Variants in DLL4 observed in about 807,000 individuals in gnomAD.
The protein encoded by DLL4 is delta like canonical Notch ligand 4, also known as delta-like protein 4.
In DLL4, 7 loss-of-function variants were observed where a neutral mutation model predicts 73.6. The observed-to-expected ratio is 0.10, with a 90% CI of 0.05 to 0.18. The LOEUF (loss-of-function observed/expected upper bound fraction) is 0.18. DLL4 is among the 10% of genes least tolerant of loss of function. The pLI is 1.00. For synonymous variants in DLL4, 345 were observed against 374.3 expected (o/e 0.92, Z 0.90); for missense variants, 614 against 929.9 (o/e 0.66, Z 4.42).
chr15:40,932,099 G>A lies in DLL4; in HGVS notation c.659-72G>A, dbSNP rs777882052. On this transcript the variant is annotated intron_variant, in intron 4 of 10. Coordinates refer to ENST00000249749, the MANE Select transcript of DLL4 (RefSeq NM_019074.4). ...CCAGGAGAGCTAGGGGATCCCCAGG[G>A]CCAGCAGGTGAGAATGGGGCTTAAG... The A allele has an allele frequency of 8.2e-4, 1,286 of 1,566,154 alleles. 1 individual carries two copies. Among genetic ancestry groups the A allele is most frequent in the Non-Finnish European group, 1.1e-3 (1,203 of 1,140,678 alleles).
Position 40,930,227 on chromosome 15 carries a change from A to ACG in DLL4, c.336+111_336+112insCG. On this transcript the variant is annotated intron_variant, in intron 2 of 10. Transcript: ENST00000249749. The surrounding 1 kb of genome is among the most constrained non-coding windows in gnomAD (Gnocchi z 5.7). ...TGTACACACACCCCCACCCCCAAAA[A>ACG]GCCCAGGATGCATTCTTTCCTGGCT... 2 of 1,305,626 alleles carry ACG rather than the reference A, an allele frequency of 1.5e-6. No homozygotes were observed. The highest frequency in any genetic ancestry group is 2.1e-6 in the Non-Finnish European group (2 of 957,726). The allele number at this position is 1,305,626 out of a possible 1,614,324, so 80.9% of individuals were successfully genotyped here.
At chr15:40,931,449 T>C in intron 3 of DLL4, 54 bp from the exon 4 acceptor site, 1 of 1,561,854 alleles carries the variant, frequency 6.4e-7, no homozygotes, top group Non-Finnish European at 8.7e-7. Flanking sequence ...CAGCCGTCAC[T>C]GGCACCCTTG....
rs1272129430 is a variant in DLL4 at position 40,930,850 on chromosome 15, C to T, written c.394+168C>T. On this transcript the variant is annotated intron_variant, in intron 3 of 10. Coordinates refer to ENST00000249749, the MANE Select transcript of DLL4 (RefSeq NM_019074.4). This position sits in a 1 kb window ranked among gnomAD's most constrained non-coding sequence, Gnocchi z 5.7. ...GCTCGGATTCCGCTCGCTGCCTGGA[C>T]TCAGAGCACAATTGCGTTTCCTGCG... The T allele has an allele frequency of 2.9e-6, 2 of 681,962 alleles. No individual in the cohort carries two copies. Among genetic ancestry groups the T allele is most frequent in the African/African-American group, 3.6e-5 (2 of 55,444 alleles). 42.2% of individuals were successfully genotyped at this position (681,962 alleles called of 1,614,324 possible). A position where few individuals can be genotyped will look rare whatever the true frequency, so the allele number is the denominator to read the frequency against.
chr15:40,930,374 C>T lies in DLL4; in HGVS notation c.337-251C>T. 1.6e-6 allele frequency: 1 copy of T among 632,018 alleles called. No homozygotes were observed. Among genetic ancestry groups the T allele is most frequent in the East Asian group, 2.7e-5 (1 of 36,488 alleles). 39.2% of individuals were successfully genotyped at this position (632,018 alleles called of 1,614,324 possible). A position where few individuals can be genotyped will look rare whatever the true frequency, so the allele number is the denominator to read the frequency against. ...ATTTTCATTACCTACCACTCTGGGGCGGTACCCTACCACCCCCTCCTCCAG... is the reference window on the plus strand; with the variant it reads ...ATTTTCATTACCTACCACTCTGGGGTGGTACCCTACCACCCCCTCCTCCAG... On this transcript the variant is annotated intron_variant, in intron 2 of 10. Coordinates refer to ENST00000249749, the MANE Select transcript of DLL4 (RefSeq NM_019074.4). This position sits in a 1 kb window ranked among gnomAD's most constrained non-coding sequence, Gnocchi z 5.7.
rs779386236 is a variant in DLL4 at position 40,936,444 on chromosome 15, C to T, written c.1457C>T (p.Ser486Leu). 2.0e-5 allele frequency: 33 copies of T among 1,610,986 alleles called. No homozygotes were observed. The highest frequency in any genetic ancestry group is 4.0e-5 in the African/African-American group (3 of 74,898). The change falls in exon 9 of 11, where the codon TCG (serine) becomes TTG (leucine). Residue 486 changes from serine (S) to leucine (L), a missense_variant. Physicochemically the swap from Ser to Leu is moderately radical, Grantham distance 145. Around this residue, in one of 3 missense-constraint regions of DLL4, gnomAD observed 386 missense variants for 541.3 expected, o/e 0.71. Transcript: ENST00000249749. Reference sequence around the variant, plus strand: ...CGGACATCCATCGATGCCTGTGCCTCGAGTCCCTGCTTCAACAGGGCCACC... The same window carrying T: ...CGGACATCCATCGATGCCTGTGCCTTGAGTCCCTGCTTCAACAGGGCCACC... ...EVRTSIDACA[S>L]SPCFNRATCY...
intron 4 of DLL4, 98 bp downstream of exon 4, chr15:40,931,864 T>G: frequency 6.1e-6 from 9 of 1,472,326 alleles, no homozygotes; most frequent in Non-Finnish European, 8.3e-6. Context: ...GAAGAGTGGG[T>G]CTGGGCCTCC....
chr15:40,931,911 G>A, intron 4 of DLL4, 145 bp downstream of exon 4: 1 of 1,072,700 alleles, frequency 9.3e-7, no homozygotes, highest in Admixed American at 2.3e-5. Flanking sequence ...GGGTGGGCTT[G>A]ACCTCAGACC....
At position 40,936,826 on chromosome 15, in the gene DLL4, G is replaced by A; in HGVS notation, c.1839G>A (p.Leu613=). The A allele has an allele frequency of 6.2e-7, 1 of 1,613,594 alleles. No homozygotes were observed. Among genetic ancestry groups the A allele is most frequent in the Non-Finnish European group, 8.5e-7 (1 of 1,179,886 alleles). Residue 613 remains leucine (L), a synonymous_variant, in exon 9 of 11, where the codon TTG becomes TTA. Transcript: ENST00000249749. ...GTGGCAAACAGCAAAACCACACATT[G>A]GACTATAATCTGGCCCCAGGGCCCC... ...SNCGKQQNHT[L]DYNLAPGPLG...
intron 6 of DLL4, among the ~76,000 whole-genome samples, chr15:40,932,713 T>C (rs1892786943): frequency 6.6e-6 from 1 of 151,648 alleles, no homozygotes; most frequent in African/African-American, 2.4e-5. Context: ...AGCCTGGAGG[T>C]TGCACTCATA....
chr15:40,930,410 T>C lies in DLL4; in HGVS notation c.337-215T>C. 3.1e-6 allele frequency: 2 copies of C among 642,216 alleles called. No homozygotes were observed. Among genetic ancestry groups the C allele is most frequent in the African/African-American group, 1.8e-5 (1 of 54,638 alleles). The allele number at this position is 642,216 out of a possible 1,614,324, so 39.8% of individuals were successfully genotyped here. A position where few individuals can be genotyped will look rare whatever the true frequency, so the allele number is the denominator to read the frequency against. ...CACCCCCTCCTCCAGTGGCTCTCCC[T>C]TACACTCTCCCGTCTCTCAACCCTC... On this transcript the variant is annotated intron_variant, in intron 2 of 10. Coordinates refer to ENST00000249749, the MANE Select transcript of DLL4 (RefSeq NM_019074.4). This position sits in a 1 kb window ranked among gnomAD's most constrained non-coding sequence, Gnocchi z 5.7.
At chr15:40,932,281 C>A (rs1322378307) in intron 5 of DLL4, 36 bp from the exon 6 acceptor site, 12 of 1,613,888 alleles carry the variant, frequency 7.4e-6, no homozygotes, top group Admixed American at 1.7e-5. Context: ...TTGGCCAAGG[C>A]CTCTCACCTC....
chr15:40,934,343 GGAAAGAAAGA>G (rs1167477782), intron 6 of DLL4, among the ~76,000 whole-genome samples, 195 bp from the exon 7 acceptor site: 2 of 149,262 alleles, frequency 1.3e-5, no homozygotes, highest in Non-Finnish European at 3.0e-5. Context: ...AAAAAAAGAA[GGAAAGAAAGA>G]GAAAGAGAGA....
chr15:40,931,156 C>G, intron 3 of DLL4: 2 of 420,858 alleles, frequency 4.8e-6, no homozygotes. Context: ...AGGGTCCTCT[C>G]TAGCCTGGGG....
chr15:40,930,256 C>CA lies in DLL4; in HGVS notation c.336+140_336+141insA. ...CAGGATGCATTCTTTCCTGGCTCTT[C>CA]CCGACTCTCTCCTGAGACTGATCCC... On this transcript the variant is annotated intron_variant, in intron 2 of 10. Coordinates refer to ENST00000249749, the MANE Select transcript of DLL4 (RefSeq NM_019074.4). This position sits in a 1 kb window ranked among gnomAD's most constrained non-coding sequence, Gnocchi z 5.7. The CA allele has an allele frequency of 1.9e-6, 2 of 1,070,474 alleles. No homozygotes were observed. Among genetic ancestry groups the CA allele is most frequent in the Non-Finnish European group, 2.7e-6 (2 of 752,264 alleles). 66.3% of individuals were successfully genotyped at this position (1,070,474 alleles called of 1,614,324 possible).
In DLL4 at chr15:40,930,704, C is replaced by A. The variant is rs772389636; in HGVS notation, c.394+22C>A. On this transcript the variant is annotated intron_variant, in intron 3 of 10. Coordinates refer to ENST00000249749, the MANE Select transcript of DLL4 (RefSeq NM_019074.4). The surrounding 1 kb of genome is among the most constrained non-coding windows in gnomAD (Gnocchi z 5.7). ...CCAGGTGAGTAGCTCGCTCCGCCACCACAGGGGGGCGACACGGCGCAGCGC... is the reference window on the plus strand; with the variant it reads ...CCAGGTGAGTAGCTCGCTCCGCCACAACAGGGGGGCGACACGGCGCAGCGC... 6.2e-7 allele frequency: 1 copy of A among 1,611,874 alleles called. No individual in the cohort carries two copies. Among genetic ancestry groups the A allele is most frequent in the Non-Finnish European group, 8.5e-7 (1 of 1,178,378 alleles).
intron 10 of DLL4, 24 bp from the exon 11 acceptor site, chr15:40,937,988 GCCCAGGGTAACCTGTTT>G: frequency 6.2e-7 from 1 of 1,600,648 alleles, no homozygotes; most frequent in African/African-American, 1.3e-5. Context: ...GAGTGCGCAT[GCCCAGGGTAACCTGTTT>G]CCCTGCCTTC....
rs1892883578 is a variant in DLL4, at chr15:40,939,034, T to C, written c.*1000T>C. 6.6e-6 allele frequency: 1 copy of C among 152,366 alleles called. No individual in the cohort carries two copies. Among genetic ancestry groups the C allele is most frequent in the Non-Finnish European group, 1.5e-5 (1 of 68,014 alleles). The allele number at this position is 152,366 out of a possible 1,614,324, so 9.4% of individuals were successfully genotyped here. The stretch of plus-strand genomic sequence containing the variant: ...CTACATTTTATAACATTATTTTGTA[T>C]ATAATGTGTATTTATAATATGAAAC... On this transcript the variant is annotated 3_prime_UTR_variant, in exon 11 of 11. Coordinates refer to ENST00000249749, the MANE Select transcript of DLL4 (RefSeq NM_019074.4).
intron 7 of DLL4, 39 bp downstream of exon 7, chr15:40,934,756 G>T (rs760948763): frequency 6.2e-7 from 1 of 1,602,942 alleles, no homozygotes. Context: ...GAGGTGTCAG[G>T]TGGTGTCTGG....
rs763726702 is a variant in DLL4, at chr15:40,929,659, G to A, written c.-10G>A. On this transcript the variant is annotated 5_prime_UTR_variant, in exon 1 of 11. Coordinates refer to ENST00000249749, the MANE Select transcript of DLL4 (RefSeq NM_019074.4). The surrounding 1 kb of genome is among the most constrained non-coding windows in gnomAD (Gnocchi z 7.1). ...AGGGCCCGCGGGTGGAGAGAGCGAC[G>A]CCCGAGGGGATGGCGGCAGCGTCCC... 1 of 1,529,352 alleles carries A rather than the reference G, an allele frequency of 6.5e-7. No individual in the cohort carries two copies. Among genetic ancestry groups the A allele is most frequent in the Non-Finnish European group, 8.7e-7 (1 of 1,148,400 alleles). 94.7% of individuals were successfully genotyped at this position (1,529,352 alleles called of 1,614,324 possible).
Sources: gnomAD v4.1 joint callset for allele counts (sites outside exome capture counted in the v4.1 genomes callset) on GRCh38, gnomAD v4.1.1 for gene constraint, gnomAD v4.1.1 regional missense constraint, Gnocchi (gnomAD v3.1) non-coding constraint, MANE v1.5 for transcripts, NCBI Gene and HGNC (gene_info 2026-07-23, HGNC 2026-07-21) for gene names.